The following SGCZ variants were observed in gnomAD, a reference collection of about 807,000 sequenced individuals.
SGCZ encodes sarcoglycan zeta.
Under a neutral mutation model 41.3 loss-of-function variants are expected in SGCZ, and 40 were observed. The observed-to-expected ratio is 0.97, with a 90% CI of 0.75 to 1.26. The LOEUF (loss-of-function observed/expected upper bound fraction) is 1.26, where lower values mean the gene tolerates loss of function less well. Among genes scored for constraint, SGCZ ranks in the 50% most tolerant of loss-of-function variants. SGCZ has a pLI of 0.00. For synonymous variants in SGCZ, 206 were observed against 137.5 expected (o/e 1.50, Z -3.49); for missense variants, 552 against 369.8 (o/e 1.49, Z -4.04).
intron 1 of SGCZ, among the ~76,000 whole-genome samples, chr8:14,599,255 TC>T (rs113662757): frequency 0.26 from 38,987 of 152,082 alleles, 5,371 homozygotes; most frequent in Middle Eastern, 0.36. Flanking sequence ...CTCAAATCCC[TC>T]CTTACCTATT....
chr8:14,950,884 T>C (rs1450525479), intron 1 of SGCZ, among the ~76,000 whole-genome samples: 2 of 152,046 alleles, frequency 1.3e-5, no homozygotes, highest in Non-Finnish European at 2.9e-5. Flanking sequence ...CAGAAATAAT[T>C]AGAAGTCTTA....
intron 6 of SGCZ, among the ~76,000 whole-genome samples, chr8:14,102,701 G>C (rs1415034562): frequency 6.6e-6 from 1 of 151,880 alleles, no homozygotes; most frequent in Admixed American, 6.6e-5. Flanking sequence ...ATCTATTTTT[G>C]GCTCTTTATA....
chr8:14,768,314 T>C (rs187295766), intron 1 of SGCZ, among the ~76,000 whole-genome samples: 3 of 152,212 alleles, frequency 2.0e-5, no homozygotes, highest in African/African-American at 7.2e-5. Context: ...TTTATTTAGA[T>C]ACTTTATAAA....
intron 2 of SGCZ, among the ~76,000 whole-genome samples, chr8:14,533,347 C>T (rs941734788): frequency 2.0e-5 from 3 of 151,776 alleles, no homozygotes; most frequent in South Asian, 2.1e-4. Context: ...AAAATTGGAC[C>T]TTTTCTTATC....
intron 4 of SGCZ, among the ~76,000 whole-genome samples, chr8:14,194,239 T>C (rs967197026): frequency 6.6e-6 from 1 of 151,858 alleles, no homozygotes; most frequent in South Asian, 2.1e-4. Flanking sequence ...AGCAAGAAAA[T>C]GATTATGCTG....
chr8:15,209,806 C>T (rs1469297917), intron 1 of SGCZ, among the ~76,000 whole-genome samples: 8 of 152,002 alleles, frequency 5.3e-5, no homozygotes, highest in Non-Finnish European at 7.4e-5. Context: ...TATACTCTAG[C>T]GTAGGCTGTA....
At chr8:15,199,005 A>T (rs953152615) in intron 1 of SGCZ, among the ~76,000 whole-genome samples, 3 of 152,196 alleles carry the variant, frequency 2.0e-5, no homozygotes, top group African/African-American at 7.2e-5. Flanking sequence ...TATCTTGTAA[A>T]TTCTACCATA....
chr8:14,160,092 G>GT (rs1803994797), intron 5 of SGCZ, among the ~76,000 whole-genome samples: 1 of 152,020 alleles, frequency 6.6e-6, no homozygotes, highest in South Asian at 2.1e-4. Context: ...CAGGTTTTTA[G>GT]TTTTAATTGC....
chr8:15,218,604 C>T (rs888948468), intron 1 of SGCZ, among the ~76,000 whole-genome samples: 13 of 152,220 alleles, frequency 8.5e-5, no homozygotes, highest in Non-Finnish European at 1.9e-4. Context: ...CCTACCAATA[C>T]TGTTTCTTGC....
intron 1 of SGCZ, among the ~76,000 whole-genome samples, chr8:14,883,781 T>G (rs1045077801): frequency 4.9e-4 from 68 of 139,386 alleles, no homozygotes; most frequent in Middle Eastern, 3.7e-3. Context: ...CTGTTGTTTT[T>G]TTTTTTTTTT....
At chr8:14,767,115 G>C (rs1484914745) in intron 1 of SGCZ, among the ~76,000 whole-genome samples, 1 of 152,100 alleles carries the variant, frequency 6.6e-6, no homozygotes, top group Non-Finnish European at 1.5e-5. Context: ...TTTGGAGCTT[G>C]TCAATATTCA....
At chr8:14,607,041 G>GTT (rs1464280329) in intron 1 of SGCZ, among the ~76,000 whole-genome samples, 1 of 152,106 alleles carries the variant, frequency 6.6e-6, no homozygotes, top group Non-Finnish European at 1.5e-5. Flanking sequence ...GAAAATCACT[G>GTT]ATCCGACAGC....
At chr8:14,532,355 C>G (rs1342616604) in intron 2 of SGCZ, among the ~76,000 whole-genome samples, 1 of 152,022 alleles carries the variant, frequency 6.6e-6, no homozygotes, top group Non-Finnish European at 1.5e-5. Context: ...AACTAGTGGT[C>G]TTTAGCAGGT....
intron 4 of SGCZ, among the ~76,000 whole-genome samples, chr8:14,210,852 C>T (rs982503210): frequency 6.6e-6 from 1 of 152,184 alleles, no homozygotes; most frequent in Non-Finnish European, 1.5e-5. Flanking sequence ...AGTTAGATAA[C>T]TGCATCATAA....
intron 2 of SGCZ, among the ~76,000 whole-genome samples, chr8:14,452,384 C>T (rs889149700): frequency 2.0e-5 from 3 of 151,994 alleles, no homozygotes; most frequent in African/African-American, 4.8e-5. Context: ...ACGGTGGATA[C>T]ATGTCATGAT....
At chr8:14,189,920 GTTTA>G (rs1459714976) in intron 4 of SGCZ, among the ~76,000 whole-genome samples, 1 of 150,800 alleles carries the variant, frequency 6.6e-6, no homozygotes, top group Non-Finnish European at 1.5e-5. Flanking sequence ...TAGAAAATTT[GTTTA>G]TTTAATAAGC....
At chr8:14,551,481 TATATATA>T in intron 2 of SGCZ, among the ~76,000 whole-genome samples, 116 of 4,988 alleles carry the variant, frequency 0.023, 35 homozygotes, top group Non-Finnish European at 0.05. Flanking sequence ...TATTATATAT[TATATATA>T]TTATATATAT....
At chr8:14,854,733 G>A (rs1004182147) in intron 1 of SGCZ, among the ~76,000 whole-genome samples, 4 of 152,114 alleles carry the variant, frequency 2.6e-5, no homozygotes, top group Non-Finnish European at 4.4e-5. Flanking sequence ...AGGAATACCA[G>A]CAGGAATTAG....
At chr8:14,352,342 G>C (rs1045539266) in intron 2 of SGCZ, among the ~76,000 whole-genome samples, 2 of 151,996 alleles carry the variant, frequency 1.3e-5, no homozygotes, top group Non-Finnish European at 2.9e-5. Context: ...CTTATATTAA[G>C]GGTAAATTTT....
Sources: gnomAD v4.1 joint callset for allele counts (sites outside exome capture counted in the v4.1 genomes callset) on GRCh38, gnomAD v4.1.1 for gene constraint, MANE v1.5 for transcripts, NCBI Gene and HGNC (gene_info 2026-07-23, HGNC 2026-07-21) for gene names.